The following KCNIP1 variants were observed in gnomAD, a reference collection of about 807,000 sequenced individuals.
The protein encoded by KCNIP1 is A-type potassium channel modulatory protein KCNIP1.
A neutral mutation model predicts 33.0 loss-of-function variants in KCNIP1; 18 were observed. That is an observed-to-expected ratio of 0.55 (90% CI 0.38 to 0.81). The LOEUF (loss-of-function observed/expected upper bound fraction) is 0.81. Ranked by LOEUF, KCNIP1 falls within the 30% of genes least tolerant of loss-of-function variation. The pLI is 0.00. For synonymous variants in KCNIP1, 93 were observed against 98.3 expected, an observed-to-expected ratio of 0.95 and a Z score of 0.32; for missense variants, 238 against 271.6, an observed-to-expected ratio of 0.88 and a Z score of 0.87.
chr5:170,473,339 T>C (rs912761336), intron 1 of KCNIP1, among the ~76,000 whole-genome samples: 7 of 152,204 alleles, frequency 4.6e-5, no homozygotes, highest in Admixed American at 4.6e-4. Flanking sequence ...TTGCTGTACT[T>C]GTTACTAATA....
chr5:170,385,710 GGTCACACAGTAT>G (rs55736235), intron 1 of KCNIP1, among the ~76,000 whole-genome samples: 37,942 of 151,864 alleles, frequency 0.25, 4,947 homozygotes, highest in African/African-American at 0.32. Context: ...ACTTGCCCTA[GGTCACACAGTAT>G]GTAATAGGCT....
At chr5:170,705,547 G>A (rs1763230925) in intron 1 of KCNIP1, among the ~76,000 whole-genome samples, 1 of 152,148 alleles carries the variant, frequency 6.6e-6, no homozygotes, top group East Asian at 1.9e-4. Context: ...TATGCTTCTG[G>A]TGTCCACCAC....
At chr5:170,446,671 G>A (rs1756124430) in intron 1 of KCNIP1, among the ~76,000 whole-genome samples, 1 of 151,984 alleles carries the variant, frequency 6.6e-6, no homozygotes, top group Non-Finnish European at 1.5e-5. Context: ...GGAACTCCTG[G>A]GCTCAAGCAA....
At chr5:170,654,751 G>A (rs746135696) in intron 1 of KCNIP1, among the ~76,000 whole-genome samples, 9 of 152,192 alleles carry the variant, frequency 5.9e-5, no homozygotes, top group Non-Finnish European at 8.8e-5. Flanking sequence ...TCCAGGGTAT[G>A]CTTGCAGTCA....
chr5:170,520,638 G>A (rs773297123), intron 1 of KCNIP1, among the ~76,000 whole-genome samples: 49 of 152,278 alleles, frequency 3.2e-4, no homozygotes, highest in Non-Finnish European at 5.7e-4. Flanking sequence ...AAAGGCTGTA[G>A]GAAGATCCAA....
intron 1 of KCNIP1, among the ~76,000 whole-genome samples, chr5:170,589,743 G>A (rs796129376): frequency 1.3e-3 from 164 of 127,608 alleles, no homozygotes; most frequent in South Asian, 3.4e-3. Flanking sequence ...GTGTGGTGTG[G>A]TGTGGTGTGG....
chr5:170,402,533 G>A (rs1455284561), intron 1 of KCNIP1, among the ~76,000 whole-genome samples: 2 of 152,174 alleles, frequency 1.3e-5, no homozygotes, highest in African/African-American at 2.4e-5. Context: ...GTGGCCTTGA[G>A]GTCCCCCTGG....
At chr5:170,418,053 C>A (rs1034888526) in intron 1 of KCNIP1, among the ~76,000 whole-genome samples, 10 of 152,210 alleles carry the variant, frequency 6.6e-5, no homozygotes, top group African/African-American at 2.2e-4. Flanking sequence ...CTGAAAATCA[C>A]CTTTCTCCAC....
intron 1 of KCNIP1, among the ~76,000 whole-genome samples, chr5:170,659,196 A>G (rs890915695): frequency 6.6e-6 from 1 of 152,126 alleles, no homozygotes; most frequent in African/African-American, 2.4e-5. Context: ...CATTGTCCCA[A>G]GAGCCTTTGG....
chr5:170,609,109 T>G (rs1039803232), intron 1 of KCNIP1, among the ~76,000 whole-genome samples: 16 of 152,124 alleles, frequency 1.1e-4, no homozygotes, highest in African/African-American at 3.9e-4. Flanking sequence ...GCAATTCTCC[T>G]GCAGAATGTA....
chr5:170,674,264 G>A (rs977838581), intron 1 of KCNIP1, among the ~76,000 whole-genome samples: 1 of 151,960 alleles, frequency 6.6e-6, no homozygotes, highest in Non-Finnish European at 1.5e-5. Flanking sequence ...TTATAAATGT[G>A]TGTATTGAAT....
chr5:170,353,527 T>A, exon 1 of KCNIP1: 2 of 330,620 alleles, frequency 6.0e-6, no homozygotes, highest in Non-Finnish European at 1.1e-5. Flanking sequence ...CTCCAGCTCC[T>A]CCCTCCCTGC....
chr5:170,690,023 TGGG>T (rs1762668199), intron 1 of KCNIP1, among the ~76,000 whole-genome samples: 1 of 152,180 alleles, frequency 6.6e-6, no homozygotes, highest in African/African-American at 2.4e-5. Flanking sequence ...AAAGGGGAGA[TGGG>T]AGGAGGAGCT....
At chr5:170,695,386 C>A (rs10214002) in intron 1 of KCNIP1, among the ~76,000 whole-genome samples, 107,399 of 152,152 alleles carry the variant, frequency 0.71, 39,181 homozygotes, top group East Asian at 0.94. Context: ...TAAAAAAGAA[C>A]GAGAAGGGGG....
chr5:170,655,511 T>C (rs1283348078), intron 1 of KCNIP1, among the ~76,000 whole-genome samples: 2 of 152,216 alleles, frequency 1.3e-5, no homozygotes, highest in Non-Finnish European at 2.9e-5. Flanking sequence ...CCCGCCACCG[T>C]TGGCCAATAG....
At chr5:170,728,932 A>C (rs939271791) in intron 5 of KCNIP1, among the ~76,000 whole-genome samples, 1 of 152,100 alleles carries the variant, frequency 6.6e-6, no homozygotes, top group African/African-American at 2.4e-5. Context: ...AAATATTATA[A>C]TATCAGAGAA....
At chr5:170,525,046 C>T (rs543848944) in intron 1 of KCNIP1, among the ~76,000 whole-genome samples, 59 of 152,316 alleles carry the variant, frequency 3.9e-4, no homozygotes, top group African/African-American at 1.3e-3. Flanking sequence ...TGCACAAGGC[C>T]GGGGAAACTT....
chr5:170,688,974 G>C (rs1268924075), intron 1 of KCNIP1, among the ~76,000 whole-genome samples: 1 of 125,504 alleles, frequency 8.0e-6, no homozygotes, highest in African/African-American at 2.9e-5. Flanking sequence ...AGGGTGGAAA[G>C]AAGGAAGGAA....
intron 1 of KCNIP1, among the ~76,000 whole-genome samples, chr5:170,381,204 A>T (rs1305811223): frequency 1.3e-5 from 2 of 152,144 alleles, no homozygotes; most frequent in Non-Finnish European, 2.9e-5. Context: ...TTCATGGCCA[A>T]ACCCAGAAGC....
Sources: gnomAD v4.1 joint callset for allele counts (sites outside exome capture counted in the v4.1 genomes callset) on GRCh38, gnomAD v4.1.1 for gene constraint, MANE v1.5 for transcripts, NCBI Gene and HGNC (gene_info 2026-07-23, HGNC 2026-07-21) for gene names.